LRP1B: variants seen among roughly 807,000 people sequenced by gnomAD.
LRP1B encodes the protein low-density lipoprotein receptor-related protein 1B.
In LRP1B, 217 loss-of-function variants were observed where a neutral mutation model predicts 556.6. That is an observed-to-expected ratio of 0.39 (90% CI 0.35 to 0.44). LRP1B has a LOEUF of 0.44. Ranked by LOEUF, LRP1B falls within the 20% of genes least tolerant of loss-of-function variation. The probability of loss-of-function intolerance (pLI) is 1.00; values close to 1 mark genes in which losing one functional copy is unlikely to be tolerated. For synonymous variants in LRP1B, 2,047 were observed against 1,865.8 expected, an observed-to-expected ratio of 1.10 and a Z score of -2.50; for missense variants, 5,053 against 5,620.8, an observed-to-expected ratio of 0.90 and a Z score of 3.23.
At chr2:140,248,578 G>A (rs185759356) in intron 86 of LRP1B, among the ~76,000 whole-genome samples, 143 of 151,530 alleles carry the variant, frequency 9.4e-4, no homozygotes, top group African/African-American at 3.4e-3. Flanking sequence ...CCAAGTCTAC[G>A]ACTCTTGTCT....
intron 25 of LRP1B, among the ~76,000 whole-genome samples, chr2:140,881,288 G>T (rs144398481): frequency 1.8e-4 from 27 of 151,536 alleles, no homozygotes; most frequent in African/African-American, 6.5e-4. Flanking sequence ...GTGTGTGTCT[G>T]CTTATTGTTG....
At chr2:140,906,819 A>G (rs981789981) in intron 22 of LRP1B, among the ~76,000 whole-genome samples, 4 of 152,070 alleles carry the variant, frequency 2.6e-5, no homozygotes, top group African/African-American at 4.8e-5. Flanking sequence ...TCTTTTATTT[A>G]TAACCTTTTT....
At chr2:141,959,312 A>C (rs1265585331) in intron 1 of LRP1B, among the ~76,000 whole-genome samples, 1 of 151,976 alleles carries the variant, frequency 6.6e-6, no homozygotes, top group Non-Finnish European at 1.5e-5. Flanking sequence ...AGGGCTGCCC[A>C]AAGCAAGGAC....
In LRP1B at chr2:140,701,813, T is replaced by C. The variant is rs1408093270; in HGVS notation, c.6335A>G (p.His2112Arg). ...AHANGSVRRG[H>R]KNDATETITM... ...TATCGTTTCTGTGGCATCATTCTTGTGGCCCCTTCTGACAGACCCGTTTGC... is the reference window on the plus strand; with the variant it reads ...TATCGTTTCTGTGGCATCATTCTTGCGGCCCCTTCTGACAGACCCGTTTGC... Residue 2112 changes from histidine (H) to arginine (R), a missense_variant, in exon 40 of 91, where the codon CAC becomes CGC. By Grantham distance (29) the His-to-Arg change is conservative. Coordinates refer to ENST00000389484, the MANE Select transcript of LRP1B (RefSeq NM_018557.3). 1 of 1,613,100 alleles carries C rather than the reference T, an allele frequency of 6.2e-7. No individual in the cohort carries two copies. Among genetic ancestry groups the C allele is most frequent in the Non-Finnish European group, 8.5e-7 (1 of 1,179,416 alleles).
Position 140,495,585 on chromosome 2 carries a change from T to C in LRP1B, c.9014A>G (p.Asn3005Ser). 1 of 1,589,734 alleles carries C rather than the reference T, an allele frequency of 6.3e-7. No individual in the cohort carries two copies. Among genetic ancestry groups the C allele is most frequent in the Non-Finnish European group, 8.6e-7 (1 of 1,161,622 alleles). Residue 3005 changes from asparagine (N) to serine (S), a missense_variant, in exon 56 of 91, where the codon AAT (asparagine) becomes AGT (serine). Physicochemically the swap from Asn to Ser is conservative, Grantham distance 46. This residue lies in a region of LRP1B where 3,619 missense variants were observed against 3,931.9 expected (regional missense o/e 0.92). Transcript: ENST00000389484. ...DGYEIQPDNP[N>S]GCKSLSDEEP... is the part of the protein sequence containing the mutation. ...GATACCTGAGAGCGATTTGCAGCCA[T>C]TTGGGTTATCAGGTTGTATTTCATA...
rs866066367 is a variant in LRP1B at position 140,650,735 on chromosome 2, C to G, written c.6800-49096G>C. Among the ~76,000 whole-genome samples, 6 of 152,248 alleles carry G rather than the reference C, an allele frequency of 3.9e-5. No homozygotes were observed. The South Asian group carries it at 1.0e-3, about 26-fold the overall frequency. On this transcript the variant is annotated intron_variant, in intron 41 of 90. Coordinates refer to ENST00000389484, the MANE Select transcript of LRP1B (RefSeq NM_018557.3). ...AAAATCCCTAGTGAAGTGTCTCCCA[C>G]TGAAACAACTTAAAAATCTCAGGGG...
In LRP1B at chr2:140,748,336, C is replaced by CATATATAAT. The variant is rs1465017311; in HGVS notation, c.5758+20876_5758+20877insATTATATAT. Reference sequence around the variant, plus strand: ...ATTCATATATAATATATATTATATTCATATATTATATTCATATATAATATA... The same window carrying CATATATAAT: ...ATTCATATATAATATATATTATATTCATATATAATATATATTATATTCATATATAATATA... On this transcript the variant is annotated intron_variant, in intron 35 of 90. Transcript: ENST00000389484. Among the ~76,000 whole-genome samples the CATATATAAT allele has an allele frequency of 1.3e-3, 141 of 107,270 alleles. 1 individual carries two copies. The highest frequency in any genetic ancestry group is 4.0e-3 in the African/African-American group (107 of 26,530). The allele number at this position is 107,270 out of a possible 152,430, so 70.4% of individuals were successfully genotyped here.
intron 32 of LRP1B, among the ~76,000 whole-genome samples, chr2:140,790,905 A>G (rs188320192): frequency 9.9e-5 from 15 of 151,614 alleles, no homozygotes; most frequent in African/African-American, 3.6e-4. Flanking sequence ...GTTTGAGACC[A>G]GCCTAGGCAA....
intron 33 of LRP1B, among the ~76,000 whole-genome samples, chr2:140,771,434 A>T (rs59963313): frequency 0.42 from 64,438 of 152,028 alleles, 15,160 homozygotes; most frequent in East Asian, 0.58. Flanking sequence ...CCACTCAAAG[A>T]TTATGCGTCT....
At position 140,444,291 on chromosome 2, in the gene LRP1B, CAAAGTT is replaced by C. The variant is rs755600864; in HGVS notation, c.10294+33_10294+38del. On this transcript the variant is annotated intron_variant, in intron 65 of 90. Transcript: ENST00000389484. Reference sequence around the variant, plus strand: ...TAATTTTTAGACTTATTTTAGGAGTCAAAGTTAAGACAAGACAGAGTATTTTGAGGT... The same window carrying C: ...TAATTTTTAGACTTATTTTAGGAGTCAAGACAAGACAGAGTATTTTGAGGT... 3.7e-6 allele frequency: 6 copies of C among 1,610,210 alleles called. No homozygotes were observed. The African/African-American group carries it at 6.7e-5, about 18-fold the overall frequency.
chr2:141,024,071 T>G (rs1209863791), intron 11 of LRP1B, among the ~76,000 whole-genome samples: 2 of 152,072 alleles, frequency 1.3e-5, no homozygotes, highest in African/African-American at 4.8e-5. Context: ...TTAATACATA[T>G]TCTCTTTGTA....
At chr2:140,339,294 T>C (rs1048051670) in intron 77 of LRP1B, among the ~76,000 whole-genome samples, 4 of 151,734 alleles carry the variant, frequency 2.6e-5, no homozygotes, top group African/African-American at 7.2e-5. Context: ...AGACATTTGT[T>C]TTAAAACAGG....
At chr2:140,529,439 G>GA (rs373059066) in intron 47 of LRP1B, among the ~76,000 whole-genome samples, 36 of 115,702 alleles carry the variant, frequency 3.1e-4, no homozygotes, top group African/African-American at 1.1e-3. Flanking sequence ...AAAAGGGGGG[G>GA]GGGAAGCATT....
chr2:140,463,235 T>C (rs1464399022), intron 60 of LRP1B, among the ~76,000 whole-genome samples: 1 of 151,622 alleles, frequency 6.6e-6, no homozygotes, highest in Non-Finnish European at 1.5e-5. Context: ...AGTGGGTGGG[T>C]GGGAAAATGG....
chr2:141,972,009 G>A (rs1277741928), intron 1 of LRP1B, among the ~76,000 whole-genome samples: 1 of 151,320 alleles, frequency 6.6e-6, no homozygotes, highest in Non-Finnish European at 1.5e-5. Context: ...AAGTAAGCAG[G>A]TTTATCAAGG....
At chr2:142,046,115 C>T (rs935212009) in intron 1 of LRP1B, among the ~76,000 whole-genome samples, 4 of 151,856 alleles carry the variant, frequency 2.6e-5, no homozygotes, top group African/African-American at 9.7e-5. Flanking sequence ...ACTTCTTAAC[C>T]CAGTTTCTCC....
At chr2:141,285,605 G>A (rs111992511) in intron 3 of LRP1B, among the ~76,000 whole-genome samples, 3,370 of 147,946 alleles carry the variant, frequency 0.023, 70 homozygotes, top group Non-Finnish European at 0.036. Context: ...ACAGGTGCCC[G>A]CCACCAAGGC....
chr2:140,618,499 G>T (rs1006023486), intron 41 of LRP1B, among the ~76,000 whole-genome samples: 3 of 152,006 alleles, frequency 2.0e-5, no homozygotes, highest in African/African-American at 7.2e-5. Context: ...AATCCTTTAG[G>T]CATACATTTG....
intron 87 of LRP1B, among the ~76,000 whole-genome samples, chr2:140,246,439 T>C (rs1050513339): frequency 2.6e-5 from 4 of 151,380 alleles, no homozygotes; most frequent in Non-Finnish European, 5.9e-5. Flanking sequence ...TCATTTCAGG[T>C]TGTCAGAAAC....
Sources: allele counts gnomAD v4.1 joint callset (sites outside exome capture counted in the v4.1 genomes callset), GRCh38; gene constraint gnomAD v4.1.1; regional missense constraint gnomAD v4.1.1; transcripts MANE v1.5; gene names NCBI Gene and HGNC (gene_info 2026-07-23, HGNC 2026-07-21).